Variants in CDK8 observed in about 807,000 individuals in gnomAD.
CDK8 encodes the protein cyclin dependent kinase 8.
CDK8 carries 29 observed loss-of-function variants against 71.5 expected under a neutral mutation model. That is an observed-to-expected ratio of 0.41 (90% CI 0.30 to 0.55). The LOEUF (loss-of-function observed/expected upper bound fraction) is 0.55. Ranked by LOEUF, CDK8 falls within the 20% of genes least tolerant of loss-of-function variation. The probability of loss-of-function intolerance (pLI) is 0.37; values close to 1 mark genes in which losing one functional copy is unlikely to be tolerated. For synonymous variants in CDK8, 161 were observed against 192.1 expected (o/e 0.84, Z 1.34); for missense variants, 288 against 572.6 (o/e 0.50, Z 5.07).
chr13:26,277,665 CT>C (rs1459183935), intron 1 of CDK8, among the ~76,000 whole-genome samples: 1 of 152,122 alleles, frequency 6.6e-6, no homozygotes, highest in Non-Finnish European at 1.5e-5. Context: ...GTAAGTTGAA[CT>C]TGTTTTTAAA....
chr13:26,317,954 A>C (rs1874590374), intron 1 of CDK8, among the ~76,000 whole-genome samples: 1 of 152,092 alleles, frequency 6.6e-6, no homozygotes. Context: ...CACAAAATAG[A>C]GAATAAAATA....
intron 1 of CDK8, among the ~76,000 whole-genome samples, chr13:26,294,516 T>C (rs1166319651): frequency 6.6e-6 from 1 of 152,228 alleles, no homozygotes; most frequent in Admixed American, 6.5e-5. Context: ...TAAATGGCTG[T>C]GCTAATTTCT....
chr13:26,318,328 C>A (rs1330677515), intron 1 of CDK8, among the ~76,000 whole-genome samples: 2 of 151,988 alleles, frequency 1.3e-5, no homozygotes, highest in South Asian at 4.2e-4. Context: ...AGACCAGGAC[C>A]TGATGGCTTT....
At chr13:26,393,768 T>G (rs188896522) in intron 7 of CDK8, among the ~76,000 whole-genome samples, 2 of 152,192 alleles carry the variant, frequency 1.3e-5, no homozygotes, top group African/African-American at 2.4e-5. Context: ...TGTTTTGTTA[T>G]TTGGTATTTG....
At position 26,403,985 on chromosome 13, in the gene CDK8, C is replaced by A. The variant is rs1357664738; in HGVS notation, c.1299C>A (p.Asn433Lys). ...QRSNPHAAYPNPGPSTSQPQS... is the reference protein window; with the variant it reads ...QRSNPHAAYPKPGPSTSQPQS... ...CCAATCCACATGCTGCCTATCCCAA[C>A]CCTGGACCAAGCACATCACAGCCGC... The change falls in exon 13 of 13, where the codon AAC (asparagine) becomes AAA (lysine). Residue 433 changes from asparagine (N) to lysine (K), a missense_variant. Around this residue, in one of 6 missense-constraint regions of CDK8, gnomAD observed 76 missense variants for 99.7 expected, o/e 0.76. Coordinates refer to ENST00000381527, the MANE Select transcript of CDK8 (RefSeq NM_001260.3). 6.2e-7 allele frequency: 1 copy of A among 1,613,644 alleles called. No homozygotes were observed. Among genetic ancestry groups the A allele is most frequent in the South Asian group, 1.1e-5 (1 of 91,074 alleles).
rs1876404727 is a variant in CDK8 at position 26,404,167 on chromosome 13, G to C, written c.*86G>C. 2.0e-6 allele frequency: 3 copies of C among 1,468,534 alleles called. No individual in the cohort carries two copies. Among genetic ancestry groups the C allele is most frequent in the African/African-American group, 2.8e-5 (2 of 72,202 alleles). 91.0% of individuals were successfully genotyped at this position (1,468,534 alleles called of 1,614,324 possible). On this transcript the variant is annotated 3_prime_UTR_variant, in exon 13 of 13. Coordinates refer to ENST00000381527, the MANE Select transcript of CDK8 (RefSeq NM_001260.3). The stretch of plus-strand genomic sequence containing the variant: ...TCTGCGGGAACCTGGTATGGGCCAT[G>C]AGAATGTACTGTACAACCACATCTT...
intron 1 of CDK8, among the ~76,000 whole-genome samples, chr13:26,324,290 T>G (rs987665428): frequency 4.6e-5 from 7 of 152,178 alleles, no homozygotes; most frequent in Non-Finnish European, 1.0e-4. Flanking sequence ...CTCATCTTAT[T>G]TTTTCAACAA....
chr13:26,387,935 T>C (rs1276867667), intron 6 of CDK8, among the ~76,000 whole-genome samples: 6 of 152,242 alleles, frequency 3.9e-5, no homozygotes, highest in Admixed American at 6.5e-5. Flanking sequence ...CTCACCTCAC[T>C]GTTCACCGTT....
intron 1 of CDK8, among the ~76,000 whole-genome samples, chr13:26,332,426 A>C (rs1260490102): frequency 6.6e-6 from 1 of 151,990 alleles, no homozygotes; most frequent in Non-Finnish European, 1.5e-5. Context: ...CGGAGGCTGC[A>C]GTGAGCTGAG....
intron 5 of CDK8, among the ~76,000 whole-genome samples, chr13:26,384,136 G>A (rs1045855339): frequency 1.3e-5 from 2 of 152,158 alleles, no homozygotes; most frequent in African/African-American, 4.8e-5. Context: ...ATGTTGGCAG[G>A]TTTGGGGAAC....
intron 9 of CDK8, chr13:26,400,153 A>G (rs891976286): frequency 3.8e-6 from 1 of 261,034 alleles, no homozygotes; most frequent in Non-Finnish European, 7.3e-6. Flanking sequence ...TAGAAAATAC[A>G]CAAATTTTGG....
intron 1 of CDK8, among the ~76,000 whole-genome samples, chr13:26,284,483 A>C (rs965978404): frequency 2.0e-5 from 3 of 152,186 alleles, no homozygotes; most frequent in African/African-American, 7.2e-5. Flanking sequence ...AATATAAAAG[A>C]TTATTCAAGT....
chr13:26,381,565 C>T (rs1054264165), intron 4 of CDK8, among the ~76,000 whole-genome samples: 10 of 152,028 alleles, frequency 6.6e-5, no homozygotes, highest in African/African-American at 2.4e-4. Flanking sequence ...CATAAAATTA[C>T]TTTCAGGATG....
At chr13:26,274,721 G>T (rs748712347) in intron 1 of CDK8, among the ~76,000 whole-genome samples, 3 of 152,036 alleles carry the variant, frequency 2.0e-5, no homozygotes, top group African/African-American at 4.8e-5. Flanking sequence ...GTGAGCCACC[G>T]CGTCTGGCCT....
chr13:26,266,118 ACATAGC>A (rs1036570565), intron 1 of CDK8, among the ~76,000 whole-genome samples: 2 of 151,382 alleles, frequency 1.3e-5, no homozygotes, highest in Admixed American at 1.3e-4. Context: ...ATTGCCATTC[ACATAGC>A]CAAAACAGAA....
intron 4 of CDK8, among the ~76,000 whole-genome samples, chr13:26,380,985 G>A (rs1245529146): frequency 6.6e-6 from 1 of 152,164 alleles, no homozygotes; most frequent in Non-Finnish European, 1.5e-5. Context: ...AATTTTCCGT[G>A]TGGAAGGTTC....
chr13:26,323,352 G>A (rs185111181), intron 1 of CDK8, among the ~76,000 whole-genome samples: 7 of 146,036 alleles, frequency 4.8e-5, no homozygotes, highest in African/African-American at 1.5e-4. Context: ...AGAGGGAGAG[G>A]GAGAGGGAGA....
chr13:26,364,335 A>G (rs1874282302), intron 4 of CDK8, among the ~76,000 whole-genome samples: 1 of 152,154 alleles, frequency 6.6e-6, no homozygotes, highest in African/African-American at 2.4e-5. Flanking sequence ...TCAGTTATGT[A>G]TATTTGTCAT....
At chr13:26,302,203 C>T (rs1232896021) in intron 1 of CDK8, among the ~76,000 whole-genome samples, 1 of 152,158 alleles carries the variant, frequency 6.6e-6, no homozygotes, top group Non-Finnish European at 1.5e-5. Context: ...GCAATGGATG[C>T]CTTCTTTATT....
Sources: gnomAD v4.1 joint callset for allele counts (sites outside exome capture counted in the v4.1 genomes callset) on GRCh38, gnomAD v4.1.1 for gene constraint, gnomAD v4.1.1 regional missense constraint, MANE v1.5 for transcripts, NCBI Gene and HGNC (gene_info 2026-07-23, HGNC 2026-07-21) for gene names.